The following ANAPC1 variants were observed in gnomAD, a reference collection of about 807,000 sequenced individuals.
ANAPC1 encodes anaphase-promoting complex subunit 1.
Under a neutral mutation model 208.0 loss-of-function variants are expected in ANAPC1, and 36 were observed. The observed-to-expected ratio is 0.17, with a 90% CI of 0.13 to 0.23. The LOEUF is 0.23. ANAPC1 is among the 10% of genes least tolerant of loss of function. The pLI is 1.00. For synonymous variants in ANAPC1, 378 were observed against 695.2 expected (o/e 0.54, Z 7.18); for missense variants, 942 against 2,011.6 (o/e 0.47, Z 10.17).
chr2:111,802,836 T>A (rs1678507391), intron 32 of ANAPC1: 1 of 198,656 alleles, frequency 5.0e-6, no homozygotes, highest in Non-Finnish European at 9.4e-6. Flanking sequence ...ATTTACTTTT[T>A]CTAAAGGGAG....
At chr2:111,823,444 C>A (rs1359362521) in intron 24 of ANAPC1, among the ~76,000 whole-genome samples, 1 of 151,630 alleles carries the variant, frequency 6.6e-6, no homozygotes, top group Non-Finnish European at 1.5e-5. Flanking sequence ...AAACTTATAC[C>A]CATGTACAAA....
At chr2:111,842,858 C>T (rs1680843158) in intron 17 of ANAPC1, among the ~76,000 whole-genome samples, 1 of 151,898 alleles carries the variant, frequency 6.6e-6, no homozygotes, top group Non-Finnish European at 1.5e-5. Flanking sequence ...CTAATAAGGG[C>T]CTGTAAGGAT....
intron 45 of ANAPC1, among the ~76,000 whole-genome samples, chr2:111,777,343 A>T (rs1222655728): frequency 1.3e-5 from 2 of 152,180 alleles, no homozygotes; most frequent in African/African-American, 2.4e-5. Flanking sequence ...AAGACCCAAA[A>T]GGTCATAGCC....
chr2:111,858,786 A>G (rs1681888279), intron 10 of ANAPC1, among the ~76,000 whole-genome samples: 1 of 141,216 alleles, frequency 7.1e-6, no homozygotes, highest in Admixed American at 7.2e-5. Flanking sequence ...AAAAAAAAAA[A>G]GTCTTTGAAA....
chr2:111,874,381 C>T (rs536779985), intron 3 of ANAPC1, among the ~76,000 whole-genome samples: 1 of 152,156 alleles, frequency 6.6e-6, no homozygotes, highest in Admixed American at 6.5e-5. Flanking sequence ...ATTTCCAGAA[C>T]TTTTTCCTCA....
Position 111,862,504 on chromosome 2 carries a change from T to C in ANAPC1, c.1147A>G (p.Ile383Val). The C allele has an allele frequency of 6.2e-7, 1 of 1,611,522 alleles. No homozygotes were observed. ...GAATTACTATTTGGAGAATGAGAAA[T>C]ACTATGTCTCTTTGGAGACTGATTA... ...SHNQSPKRHS[I>V]SHSPNSNSNG... Residue 383 changes from isoleucine (I) to valine (V), a missense_variant, in exon 10 of 48, where the codon ATT (isoleucine) becomes GTT (valine). Ile to Val is a conservative substitution (Grantham distance 29, BLOSUM62 3). Coordinates refer to ENST00000341068, the MANE Select transcript of ANAPC1 (RefSeq NM_022662.4).
At chr2:111,873,878 A>G (rs1383906203) in intron 3 of ANAPC1, among the ~76,000 whole-genome samples, 1 of 152,048 alleles carries the variant, frequency 6.6e-6, no homozygotes, top group African/African-American at 2.4e-5. Context: ...TTTACAATTA[A>G]ATTTTATGAA....
rs143806345 is a variant in ANAPC1 at position 111,843,524 on chromosome 2, T to C, written c.1928A>G (p.Asn643Ser). 33 of 1,611,832 alleles carry C rather than the reference T, an allele frequency of 2.0e-5. No homozygotes were observed. The highest frequency in any genetic ancestry group is 8.3e-5 in the Admixed American group (5 of 59,998). The part of the protein sequence containing the change: ...IAVQMLVKWY[N>S]VHSAPGGPSY... ...GGGTCCTCCTGGAGCACTGTGGACA[T>C]TGTACCACTTGACAAGCATCTGAAC... is the stretch of plus-strand genomic sequence containing the variant. The change falls in exon 17 of 48, where the codon AAT (asparagine) becomes AGT (serine). Residue 643 changes from asparagine (N) to serine (S), a missense_variant. Asn to Ser is a conservative substitution (Grantham distance 46, BLOSUM62 1). Transcript: ENST00000341068.
At chr2:111,866,866 T>C (rs559765544) in intron 7 of ANAPC1, among the ~76,000 whole-genome samples, 27 of 151,304 alleles carry the variant, frequency 1.8e-4, no homozygotes, top group African/African-American at 6.3e-4. Context: ...ATTCGGGTTG[T>C]CTGCAATTAG....
chr2:111,822,050 C>T (rs564866722), intron 25 of ANAPC1, among the ~76,000 whole-genome samples: 2 of 152,066 alleles, frequency 1.3e-5, no homozygotes, highest in Non-Finnish European at 2.9e-5. Flanking sequence ...TATATAATTA[C>T]TCATCCAAAT....
At chr2:111,807,615 C>A (rs1261855732) in intron 29 of ANAPC1, among the ~76,000 whole-genome samples, 2 of 152,022 alleles carry the variant, frequency 1.3e-5, no homozygotes, top group African/African-American at 4.8e-5. Flanking sequence ...TGGCGTGAAC[C>A]CGGGAGGCGG....
rs199560803 is a variant in ANAPC1, at chr2:111,858,299, C to T, written c.1358+7G>A. 2 of 1,608,638 alleles carry T rather than the reference C, an allele frequency of 1.2e-6. No homozygotes were observed. The highest frequency in any genetic ancestry group is 1.7e-6 in the Non-Finnish European group (2 of 1,175,940). On this transcript the variant is annotated splice_region_variant and intron_variant, in intron 11 of 47. Transcript: ENST00000341068. The stretch of plus-strand genomic sequence containing the variant: ...ATACAGAAACAATGGGAAAGACATA[C>T]ACCTACCGTAACTGGAGCTGGGACT...
chr2:111,827,681 G>A (rs534462157), intron 21 of ANAPC1, among the ~76,000 whole-genome samples: 5 of 152,094 alleles, frequency 3.3e-5, no homozygotes, highest in South Asian at 2.1e-4. Context: ...CTTGAGCCCC[G>A]GGAGGTTGAG....
chr2:111,857,077 A>G, intron 11 of ANAPC1, 191 bp from the exon 12 acceptor site: 2 of 541,084 alleles, frequency 3.7e-6, no homozygotes, highest in East Asian at 3.2e-5. Context: ...GTAATGGTGT[A>G]TGTGACTATA....
At chr2:111,838,607 C>T (rs542007905) in intron 17 of ANAPC1, 95 bp from the exon 18 acceptor site, 32 of 1,016,474 alleles carry the variant, frequency 3.1e-5, no homozygotes, top group Admixed American at 5.7e-5. Flanking sequence ...CTGCCAATTA[C>T]GAAAACTGAG....
chr2:111,787,258 C>A (rs1373839634), intron 39 of ANAPC1, among the ~76,000 whole-genome samples: 3 of 147,756 alleles, frequency 2.0e-5, no homozygotes, highest in Non-Finnish European at 3.0e-5. Context: ...TCCACTGTAC[C>A]CTAGCCAATA....
chr2:111,838,935 A>G (rs1484553956), intron 17 of ANAPC1, among the ~76,000 whole-genome samples: 1 of 152,224 alleles, frequency 6.6e-6, no homozygotes, highest in Non-Finnish European at 1.5e-5. Context: ...ACAGTAAACT[A>G]TCTAACAATT....
At chr2:111,883,614 AC>A (rs1683442599) in intron 1 of ANAPC1, among the ~76,000 whole-genome samples, 1 of 151,850 alleles carries the variant, frequency 6.6e-6, no homozygotes, top group Non-Finnish European at 1.5e-5. Flanking sequence ...TTTCTAGAGG[AC>A]GGTGAAAACA....
intron 42 of ANAPC1, 79 bp from the exon 43 acceptor site, chr2:111,782,586 T>G: frequency 6.4e-7 from 1 of 1,554,930 alleles, no homozygotes; most frequent in Non-Finnish European, 8.7e-7. Flanking sequence ...CAATACCATG[T>G]TCACAGGAGA....
Sources: allele counts gnomAD v4.1 joint callset (sites outside exome capture counted in the v4.1 genomes callset), GRCh38; gene constraint gnomAD v4.1.1; transcripts MANE v1.5; gene names NCBI Gene and HGNC (gene_info 2026-07-23, HGNC 2026-07-21).